Variants in MDH2 observed in about 807,000 individuals in gnomAD.
MDH2 encodes the protein malate dehydrogenase 2.
A neutral mutation model predicts 33.6 loss-of-function variants in MDH2; 25 were observed. The observed-to-expected ratio is 0.74, with a 90% CI of 0.54 to 1.04. The LOEUF is 1.04. Among genes scored for constraint, MDH2 ranks in the 50% least tolerant of loss-of-function variants. The pLI is 0.00. For missense variants in MDH2, 432 were observed against 445.0 expected (o/e 0.97, Z 0.26); for synonymous variants, 193 against 188.7 (o/e 1.02, Z -0.19).
rs531517119 is a variant in MDH2, at chr7:76,057,860, G to A, written c.320-109G>A. On this transcript the variant is annotated intron_variant, in intron 3 of 8. Coordinates refer to ENST00000315758, the MANE Select transcript of MDH2 (RefSeq NM_005918.4). ...CCTGCAAGAGGGACTGACTTGAAACGGGGACCTTGAGTGGCTAAATTTCCT... is the reference window on the plus strand; with the variant it reads ...CCTGCAAGAGGGACTGACTTGAAACAGGGACCTTGAGTGGCTAAATTTCCT... 2.0e-5 allele frequency: 19 copies of A among 957,980 alleles called. 1 individual carries two copies. Among genetic ancestry groups the A allele is most frequent in the Middle Eastern group, 2.1e-4 (1 of 4,660 alleles). The allele number at this position is 957,980 out of a possible 1,614,324, so 59.3% of individuals were successfully genotyped here.
At chr7:76,048,537 G>C in intron 1 of MDH2, 2 of 1,318,210 alleles carry the variant, frequency 1.5e-6, no homozygotes, top group Non-Finnish European at 9.6e-7. Context: ...GGAAACCAGG[G>C]CTCTGCATCT....
chr7:76,054,709 G>C (rs1448536555), intron 1 of MDH2, 121 bp from the exon 2 acceptor site: 2 of 1,101,166 alleles, frequency 1.8e-6, no homozygotes, highest in Middle Eastern at 2.7e-4. Flanking sequence ...CAAATACAAT[G>C]ATTGTATCTT....
chr7:76,059,169 A>G (rs1554586657), intron 4 of MDH2, among the ~76,000 whole-genome samples: 1 of 152,068 alleles, frequency 6.6e-6, no homozygotes, highest in African/African-American at 2.4e-5. Context: ...GTCTCAAACA[A>G]CCAACCTCAG....
intron 7 of MDH2, 119 bp from the exon 8 acceptor site, chr7:76,064,683 T>C: frequency 8.4e-7 from 1 of 1,186,676 alleles, no homozygotes; most frequent in African/African-American, 1.5e-5. Flanking sequence ...ATCGGGGTGC[T>C]GACTGAAATT....
In MDH2 at chr7:76,066,612, A is replaced by C; in HGVS notation, c.*202A>C. 1 of 544,346 alleles carries C rather than the reference A, an allele frequency of 1.8e-6. No homozygotes were observed. The allele number at this position is 544,346 out of a possible 1,614,324, so 33.7% of individuals were successfully genotyped here. On this transcript the variant is annotated 3_prime_UTR_variant, in exon 9 of 9. Coordinates refer to ENST00000315758, the MANE Select transcript of MDH2 (RefSeq NM_005918.4). ...TTTATTTTTCAAGGTCCCTTCTGTA[A>C]ATGCTGTGCTTTCTTCCCTGTGAGA...
At chr7:76,062,254 G>A (rs1174264200) in intron 5 of MDH2, among the ~76,000 whole-genome samples, 4 of 152,182 alleles carry the variant, frequency 2.6e-5, no homozygotes, top group South Asian at 2.1e-4. Flanking sequence ...CCTTGTTCCC[G>A]TTTGCTGCAA....
At chr7:76,057,558 C>T in intron 3 of MDH2, 65 bp downstream of exon 3, 1 of 1,506,410 alleles carries the variant, frequency 6.6e-7, no homozygotes, top group Admixed American at 1.8e-5. Flanking sequence ...AATCCATTTC[C>T]TATTAAAAAT....
At chr7:76,053,219 C>A (rs1554585697) in intron 1 of MDH2, among the ~76,000 whole-genome samples, 1 of 152,006 alleles carries the variant, frequency 6.6e-6, no homozygotes, top group Non-Finnish European at 1.5e-5. Flanking sequence ...TTAGTGAACA[C>A]AAGTGCCATT....
intron 1 of MDH2, chr7:76,048,774 G>A (rs148355501): frequency 1.2e-4 from 152 of 1,227,608 alleles, no homozygotes; most frequent in Middle Eastern, 6.3e-4. Context: ...AACCTTTTTG[G>A]AGGATCTCTC....
chr7:76,060,370 T>G lies in MDH2; in HGVS notation c.430-3T>G. 6.2e-7 allele frequency: 1 copy of G among 1,614,062 alleles called. No homozygotes were observed. The highest frequency in any genetic ancestry group is 8.5e-7 in the Non-Finnish European group (1 of 1,179,964). ...AGCCATGCCTGTCTGTTGGATGTCC[T>G]AGGTTAATTCCACCATCCCCATCAC... On this transcript the variant is annotated splice_region_variant and splice_polypyrimidine_tract_variant and intron_variant, in intron 4 of 8. Coordinates refer to ENST00000315758, the MANE Select transcript of MDH2 (RefSeq NM_005918.4).
chr7:76,063,421 G>T, intron 5 of MDH2, 94 bp from the exon 6 acceptor site: 1 of 1,233,782 alleles, frequency 8.1e-7, no homozygotes, highest in South Asian at 1.2e-5. Context: ...TGAGTTCTGG[G>T]GGGCTTTTCC....
Position 76,054,837 on chromosome 7 carries a change from C to A in MDH2, c.74C>A (p.Ala25Asp), listed in dbSNP as rs1554585949. 1.2e-6 allele frequency: 2 copies of A among 1,613,944 alleles called. No individual in the cohort carries two copies. Among genetic ancestry groups the A allele is most frequent in the South Asian group, 2.2e-5 (2 of 91,034 alleles). Residue 25 changes from alanine (A) to aspartate (D), a missense_variant, in exon 2 of 9, where the codon GCT (alanine) becomes GAT (aspartate). Coordinates refer to ENST00000315758, the MANE Select transcript of MDH2 (RefSeq NM_005918.4). ...RSFSTSAQNN[A>D]KVAVLGASGG... Reference sequence around the variant, plus strand: ...CTCTGTGCCTCTTTTTAGAACAATGCTAAAGTAGCTGTGCTAGGGGCCTCT... The same window carrying A: ...CTCTGTGCCTCTTTTTAGAACAATGATAAAGTAGCTGTGCTAGGGGCCTCT...
intron 5 of MDH2, among the ~76,000 whole-genome samples, chr7:76,062,288 C>T (rs1444559074): frequency 6.6e-6 from 1 of 152,238 alleles, no homozygotes; most frequent in African/African-American, 2.4e-5. Context: ...CCCGTCTTAG[C>T]ATGCACCATT....
rs144321556 is a variant in MDH2 at position 76,054,918 on chromosome 7, G to A, written c.155G>A (p.Arg52His). 5.3e-5 allele frequency: 85 copies of A among 1,613,960 alleles called. 1 individual carries two copies. The highest frequency in any genetic ancestry group is 1.8e-4 in the Admixed American group (11 of 59,988). The change falls in exon 2 of 9, where the codon CGC becomes CAC. Residue 52 changes from arginine to histidine, a missense_variant. Physicochemically the swap from Arg to His is conservative, Grantham distance 29. Coordinates refer to ENST00000315758, the MANE Select transcript of MDH2 (RefSeq NM_005918.4). ...LLLKNSPLVS[R>H]LTLYDIAHTP... ...CTGAAGAACAGCCCCTTGGTGAGCC[G>A]CCTGACCCTCTATGATATCGCGCAC...
chr7:76,053,027 T>C (rs782580858), intron 1 of MDH2, among the ~76,000 whole-genome samples: 5 of 152,270 alleles, frequency 3.3e-5, no homozygotes, highest in Non-Finnish European at 5.9e-5. Flanking sequence ...GTGAAATGAT[T>C]AAGACTTTGA....
At position 76,057,417 on chromosome 7, in the gene MDH2, C is replaced by A. The variant is rs782030029; in HGVS notation, c.243C>A (p.Leu81=). The A allele has an allele frequency of 1.9e-6, 3 of 1,614,030 alleles. No individual in the cohort carries two copies. In the African/African-American group the frequency reaches 4.0e-5, roughly 22 times the overall value. The change falls in exon 3 of 9, where the codon CTC becomes CTA. Residue 81 remains leucine (L), a synonymous_variant. Coordinates refer to ENST00000315758, the MANE Select transcript of MDH2 (RefSeq NM_005918.4). ...GTGGGGTGTTTGTTCTAGGCTACCT[C>A]GGACCTGAACAGCTGCCTGACTGCC... ...IETKAAVKGY[L]GPEQLPDCLK...
At chr7:76,061,408 G>A (rs1204910954) in intron 5 of MDH2, among the ~76,000 whole-genome samples, 1 of 151,690 alleles carries the variant, frequency 6.6e-6, no homozygotes, top group Non-Finnish European at 1.5e-5. Flanking sequence ...TACAGGTGTG[G>A]GGGTCACAGA....
At chr7:76,056,155 G>C (rs1554586259) in intron 2 of MDH2, among the ~76,000 whole-genome samples, 1 of 152,098 alleles carries the variant, frequency 6.6e-6, no homozygotes, top group Non-Finnish European at 1.5e-5. Context: ...TATTCTTAAA[G>C]CTGTAATTTA....
rs182916646 is a variant in MDH2 at position 76,064,355 on chromosome 7, A to G, written c.650A>G (p.Asp217Gly). Residue 217 changes from aspartate (D) to glycine (G), a missense_variant, in exon 7 of 9, where the codon GAC (aspartate) becomes GGC (glycine). Physicochemically the swap from Asp to Gly is moderately conservative, Grantham distance 94. Coordinates refer to ENST00000315758, the MANE Select transcript of MDH2 (RefSeq NM_005918.4). ...PLISQCTPKVDFPQDQLTALT... is the reference protein window; with the variant it reads ...PLISQCTPKVGFPQDQLTALT... Reference sequence around the variant, plus strand: ...GGCTTGCAGTGCACCCCCAAGGTGGACTTTCCCCAGGACCAGCTGACAGCA... The same window carrying G: ...GGCTTGCAGTGCACCCCCAAGGTGGGCTTTCCCCAGGACCAGCTGACAGCA... The G allele has an allele frequency of 6.2e-7, 1 of 1,612,800 alleles. No homozygotes were observed. Among genetic ancestry groups the G allele is most frequent in the African/African-American group, 1.3e-5 (1 of 75,006 alleles).
Sources: gnomAD v4.1 joint callset for allele counts (sites outside exome capture counted in the v4.1 genomes callset) on GRCh38, gnomAD v4.1.1 for gene constraint, MANE v1.5 for transcripts, NCBI Gene and HGNC (gene_info 2026-07-23, HGNC 2026-07-21) for gene names.